The following ALDH5A1 variants were observed in gnomAD, a reference collection of about 807,000 sequenced individuals.
ALDH5A1 encodes aldehyde dehydrogenase 5 family member A1.
In ALDH5A1, 33 loss-of-function variants were observed where a neutral mutation model predicts 54.7. The observed-to-expected ratio is 0.60, with a 90% confidence interval of 0.46 to 0.81. The LOEUF is 0.81. Ranked by LOEUF, ALDH5A1 falls within the 30% of genes least tolerant of loss-of-function variation. The pLI, the probability that ALDH5A1 is intolerant of heterozygous loss-of-function variation, is 0.00. For synonymous variants in ALDH5A1, 294 were observed against 292.7 expected, an observed-to-expected ratio of 1.00 and a Z score of -0.05; for missense variants, 657 against 711.0, an observed-to-expected ratio of 0.92 and a Z score of 0.86.
intron 6 of ALDH5A1, chr6:24,522,548 G>A (rs1759714395): frequency 4.4e-6 from 2 of 458,200 alleles, no homozygotes; most frequent in Non-Finnish European, 4.1e-6. Flanking sequence ...TAGCAGCTGT[G>A]TAGCATAGCA....
At chr6:24,513,918 G>A (rs576741325) in intron 4 of ALDH5A1, among the ~76,000 whole-genome samples, 17 of 152,194 alleles carry the variant, frequency 1.1e-4, no homozygotes, top group African/African-American at 4.1e-4. Flanking sequence ...GAGATACCTT[G>A]TTGTAAATGT....
chr6:24,523,993 T>G (rs1759755538), intron 7 of ALDH5A1, among the ~76,000 whole-genome samples: 1 of 149,912 alleles, frequency 6.7e-6, no homozygotes, highest in Non-Finnish European at 1.5e-5. Flanking sequence ...GTGTTTTTTT[T>G]TTTTTTTTTT....
rs1254730579 is a variant in ALDH5A1, at chr6:24,495,050, G to A, written c.54G>A (p.Thr18=). The A allele has an allele frequency of 3.0e-6, 4 of 1,355,060 alleles. No individual in the cohort carries two copies. The highest frequency in any genetic ancestry group is 3.8e-6 in the Non-Finnish European group (4 of 1,055,884). 83.9% of individuals were successfully genotyped at this position (1,355,060 alleles called of 1,614,324 possible). The change falls in exon 1 of 10, where the codon ACG becomes ACA. Residue 18 remains threonine, a synonymous_variant. Coordinates refer to ENST00000357578, the MANE Select transcript of ALDH5A1 (RefSeq NM_001080.3). ...RSCGARRLGS[T]FPGCRLRPRA... ...GTGGGGCCCGGCGCCTCGGGTCGAC[G>A]TTTCCAGGCTGCCGCCTCCGCCCCC...
chr6:24,506,273 TGAGACAGTCTCGC>T (rs1759353950), intron 4 of ALDH5A1, among the ~76,000 whole-genome samples: 1 of 105,012 alleles, frequency 9.5e-6, no homozygotes, highest in African/African-American at 4.2e-5. Context: ...TTTTTTTTTT[TGAGACAGTCTCGC>T]TCTGTCACCC....
intron 4 of ALDH5A1, among the ~76,000 whole-genome samples, chr6:24,513,162 C>T (rs1378626001): frequency 2.6e-5 from 4 of 152,032 alleles, no homozygotes; most frequent in African/African-American, 4.8e-5. Context: ...CAGGCTCAAG[C>T]GTTTCTCCTG....
At chr6:24,498,424 C>G (rs1441697673) in intron 1 of ALDH5A1, among the ~76,000 whole-genome samples, 2 of 152,202 alleles carry the variant, frequency 1.3e-5, no homozygotes, top group Admixed American at 1.3e-4. Context: ...TCCCACAAGG[C>G]CCCACGAAGA....
chr6:24,508,369 A>T (rs1362414508), intron 4 of ALDH5A1, among the ~76,000 whole-genome samples: 1 of 84,300 alleles, frequency 1.2e-5, no homozygotes, highest in Non-Finnish European at 2.5e-5. Context: ...TCCAAAAAAA[A>T]AAAAAAAAAA....
chr6:24,504,949 C>T lies in ALDH5A1; in HGVS notation c.690C>T (p.Ala230=), dbSNP rs544724128. The change falls in exon 4 of 10, where the codon GCC becomes GCT. Residue 230 remains alanine (A), a synonymous_variant. Coordinates refer to ENST00000357578, the MANE Select transcript of ALDH5A1 (RefSeq NM_001080.3). The part of the protein sequence containing the change: ...AAGCTVVVKP[A]EDTPFSALAL... ...GCTGTACTGTCGTGGTGAAGCCTGC[C>T]GAAGACACGCCCTTCTCCGCCCTGG... 2.8e-5 allele frequency: 45 copies of T among 1,614,202 alleles called. 1 individual carries two copies. The South Asian group carries it at 3.2e-4, about 11-fold the overall frequency.
intron 1 of ALDH5A1, among the ~76,000 whole-genome samples, chr6:24,496,427 G>A (rs1248851816): frequency 6.6e-6 from 1 of 152,248 alleles, no homozygotes; most frequent in Non-Finnish European, 1.5e-5. Flanking sequence ...AGCATCAACA[G>A]TGTGACCAGG....
Position 24,537,081 on chromosome 6 carries a change from G to A in ALDH5A1, c.*3369G>A, listed in dbSNP as rs575349088. The A allele has an allele frequency of 6.6e-6, 1 of 152,662 alleles. No individual in the cohort carries two copies. Among genetic ancestry groups the A allele is most frequent in the East Asian group, 1.9e-4 (1 of 5,190 alleles). The allele number at this position is 152,662 out of a possible 1,614,324, so 9.5% of individuals were successfully genotyped here. A position where few individuals can be genotyped will look rare whatever the true frequency, so the allele number is the denominator to read the frequency against. On this transcript the variant is annotated 3_prime_UTR_variant, in exon 10 of 10. Coordinates refer to ENST00000357578, the MANE Select transcript of ALDH5A1 (RefSeq NM_001080.3). Reference sequence around the variant, plus strand: ...ATGAGTGTGGTAAGAAATTTATAAAGTTTTGCTTTTAAAACGTGGACATAA... The same window carrying A: ...ATGAGTGTGGTAAGAAATTTATAAAATTTTGCTTTTAAAACGTGGACATAA...
chr6:24,495,407 AG>A (rs1436083374), intron 1 of ALDH5A1, 57 bp downstream of exon 1: 1 of 1,497,210 alleles, frequency 6.7e-7, no homozygotes, highest in South Asian at 1.2e-5. Flanking sequence ...CGGGGAGCAG[AG>A]GGGGCTTTAC....
intron 1 of ALDH5A1, among the ~76,000 whole-genome samples, chr6:24,499,278 C>A (rs1436114455): frequency 6.6e-6 from 1 of 151,934 alleles, no homozygotes; most frequent in Non-Finnish European, 1.5e-5. Flanking sequence ...GGTGACAGAG[C>A]GAGACTGTCT....
chr6:24,495,240 G>A lies in ALDH5A1; in HGVS notation c.244G>A (p.Ala82Thr), dbSNP rs1300964978. Reference protein sequence around the residue: ...AAATFPVQDPASGAALGMVAD... With the variant: ...AAATFPVQDPTSGAALGMVAD... ...CGCCACCTTCCCCGTGCAAGACCCG[G>A]CCAGCGGCGCCGCTCTGGGCATGGT... The change falls in exon 1 of 10, where the codon GCC (alanine) becomes ACC (threonine). Residue 82 changes from alanine to threonine, a missense_variant. By Grantham distance (58) the Ala-to-Thr change is moderately conservative. Around this residue, in one of 2 missense-constraint regions of ALDH5A1, gnomAD observed 232 missense variants for 194.6 expected, o/e 1.19. Coordinates refer to ENST00000357578, the MANE Select transcript of ALDH5A1 (RefSeq NM_001080.3). The A allele has an allele frequency of 6.6e-6, 10 of 1,524,564 alleles. No individual in the cohort carries two copies. The highest frequency in any genetic ancestry group is 7.9e-6 in the Non-Finnish European group (9 of 1,142,802). 94.4% of individuals were successfully genotyped at this position (1,524,564 alleles called of 1,614,324 possible). A position where few individuals can be genotyped will look rare whatever the true frequency, so the allele number is the denominator to read the frequency against.
chr6:24,525,666 C>T (rs1759785471), intron 7 of ALDH5A1, among the ~76,000 whole-genome samples: 1 of 152,112 alleles, frequency 6.6e-6, no homozygotes, highest in African/African-American at 2.4e-5. Flanking sequence ...AGAGATCGCA[C>T]CAGTGCACCC....
Position 24,495,133 on chromosome 6 carries a change from G to GC in ALDH5A1, c.138dup (p.Tyr47LeufsTer89). 7.1e-7 allele frequency: 1 copy of GC among 1,403,040 alleles called. No individual in the cohort carries two copies. The highest frequency in any genetic ancestry group is 1.5e-5 in the African/African-American group (1 of 66,174). 86.9% of individuals were successfully genotyped at this position (1,403,040 alleles called of 1,614,324 possible). ...GCGCCCGGCCCGGCCCAGCTCCGCT[G>GC]CTACGCTGGGCGCCTGGCGGGCCTC... On this transcript the variant is annotated frameshift_variant, in exon 1 of 10. Coordinates refer to ENST00000357578, the MANE Select transcript of ALDH5A1 (RefSeq NM_001080.3). LOFTEE classifies it high-confidence loss of function.
chr6:24,521,257 C>T (rs1390994630), intron 6 of ALDH5A1, among the ~76,000 whole-genome samples: 1 of 152,234 alleles, frequency 6.6e-6, no homozygotes, highest in Admixed American at 6.5e-5. Flanking sequence ...TTTGATCTGT[C>T]AGGGACCTTC....
chr6:24,519,836 T>G (rs188641625), intron 5 of ALDH5A1, among the ~76,000 whole-genome samples: 1 of 152,222 alleles, frequency 6.6e-6, no homozygotes, highest in Non-Finnish European at 1.5e-5. Flanking sequence ...GTTATCAGTG[T>G]AAGCTGTGGG....
chr6:24,508,407 CTCTAATCT>C (rs1759402648), intron 4 of ALDH5A1, among the ~76,000 whole-genome samples: 2 of 9,218 alleles, frequency 2.2e-4, no homozygotes, highest in Non-Finnish European at 5.2e-4. Flanking sequence ...GTCTCTAATC[CTCTAATCT>C]CATCCAGCCC....
chr6:24,506,927 TA>T (rs1759370358), intron 4 of ALDH5A1, among the ~76,000 whole-genome samples: 3 of 24,716 alleles, frequency 1.2e-4, no homozygotes, highest in Non-Finnish European at 2.9e-4. Flanking sequence ...TCTCAGATTT[TA>T]TTAGTCTGTA....
Sources: allele counts gnomAD v4.1 joint callset (sites outside exome capture counted in the v4.1 genomes callset), GRCh38; gene constraint gnomAD v4.1.1; regional missense constraint gnomAD v4.1.1; transcripts MANE v1.5; gene names NCBI Gene and HGNC (gene_info 2026-07-23, HGNC 2026-07-21).